DST: variants seen among roughly 807,000 people sequenced by gnomAD.
The protein encoded by DST is dystonin.
Under a neutral mutation model 875.2 loss-of-function variants are expected in DST, and 253 were observed. That is an observed-to-expected ratio of 0.29 (90% CI 0.26 to 0.32). The LOEUF (loss-of-function observed/expected upper bound fraction) is 0.32. Ranked by LOEUF, DST falls within the 10% of genes least tolerant of loss-of-function variation. The pLI is 1.00. For missense variants in DST, 8,287 were observed against 9,111.6 expected (o/e 0.91, Z 3.68); for synonymous variants, 3,124 against 3,197.1 (o/e 0.98, Z 0.77).
At chr6:56,919,871 G>T (rs576051687) in intron 2 of DST, among the ~76,000 whole-genome samples, 1 of 152,006 alleles carries the variant, frequency 6.6e-6, no homozygotes, top group African/African-American at 2.4e-5. Context: ...TGCTTAACCC[G>T]GAGACAGAGG....
chr6:56,496,213 T>A (rs924474340), intron 82 of DST, among the ~76,000 whole-genome samples: 4 of 152,160 alleles, frequency 2.6e-5, no homozygotes, highest in African/African-American at 9.6e-5. Flanking sequence ...AATATGAATT[T>A]AAAATGTCAA....
chr6:56,851,546 T>C lies in DST; in HGVS notation c.476A>G (p.Glu159Gly), dbSNP rs1049570686. ...GCCAGATTTCTGGCTGAAATCATCC[T>C]CATCGGAAAAATCCGCAGAGGAAGA... ...SMSSSADFSD[E>G]DDFSQKSGSA... Residue 159 changes from glutamate to glycine, a missense_variant, in exon 4 of 104, where the codon GAG becomes GGG. By Grantham distance (98) the Glu-to-Gly change is moderately conservative. Coordinates refer to ENST00000680361, the MANE Select transcript of DST (RefSeq NM_001374736.1). 1.9e-6 allele frequency: 3 copies of C among 1,613,890 alleles called. No homozygotes were observed. The highest frequency in any genetic ancestry group is 3.3e-5 in the Admixed American group (2 of 59,994).
chr6:56,801,963 T>C (rs1283226422), intron 4 of DST, among the ~76,000 whole-genome samples: 1 of 152,060 alleles, frequency 6.6e-6, no homozygotes, highest in Non-Finnish European at 1.5e-5. Flanking sequence ...TTGGCCAGGC[T>C]GGTCTTGAAT....
At chr6:56,673,776 T>C (rs1429611736) in intron 9 of DST, among the ~76,000 whole-genome samples, 1 of 152,250 alleles carries the variant, frequency 6.6e-6, no homozygotes, top group Admixed American at 6.5e-5. Flanking sequence ...GCAAATGTTA[T>C]GAACCAAGCT....
intron 4 of DST, among the ~76,000 whole-genome samples, chr6:56,778,589 T>G (rs1291376503): frequency 7.2e-6 from 1 of 139,518 alleles, no homozygotes; most frequent in African/African-American, 2.7e-5. Flanking sequence ...TGTGTCCATG[T>G]GTTCTCATTG....
At position 56,620,407 on chromosome 6, in the gene DST, G is replaced by A. The variant is rs538627825; in HGVS notation, c.4929+4123C>T. ...TCACCCGCTCCAGTTCTCTTTCAGC[G>A]GCTTCCTTCTCTCTCACAATGGTTT... is the stretch of plus-strand genomic sequence containing the variant. On this transcript the variant is annotated intron_variant, in intron 36 of 103. Transcript: ENST00000680361. 2.2e-5 allele frequency: 36 copies of A among 1,614,120 alleles called. No individual in the cohort carries two copies. The highest frequency in any genetic ancestry group is 1.6e-4 in the Middle Eastern group (1 of 6,062).
chr6:56,868,908 C>T lies in DST; in HGVS notation c.418-17304G>A, dbSNP rs564765651. Among the ~76,000 whole-genome samples the T allele has an allele frequency of 1.4e-4, 21 of 152,274 alleles. No individual in the cohort carries two copies. In the South Asian group the frequency reaches 4.1e-3, roughly 30 times the overall value. Reference sequence around the variant, plus strand: ...ACCCTATGTAAACATGAATTCTACCCTCTGTGGGAAATGAAGGTCCTTTGT... The same window carrying T: ...ACCCTATGTAAACATGAATTCTACCTTCTGTGGGAAATGAAGGTCCTTTGT... On this transcript the variant is annotated intron_variant, in intron 3 of 103. Coordinates refer to ENST00000680361, the MANE Select transcript of DST (RefSeq NM_001374736.1).
rs752547446 is a variant in DST, at chr6:56,594,050, C to T, written c.12339G>A (p.Val4113=). 1 of 1,613,656 alleles carries T rather than the reference C, an allele frequency of 6.2e-7. No individual in the cohort carries two copies. Residue 4113 remains valine, a synonymous_variant, in exon 48 of 104, where the codon GTG becomes GTA. Coordinates refer to ENST00000680361, the MANE Select transcript of DST (RefSeq NM_001374736.1). ...KLQKNMKELK[V]HYETALAESE... is the part of the protein sequence containing the mutation. ...ACTCAGCCAGTGCAGTTTCATAATG[C>T]ACTTTCAGTTCCTTCATGTTCTTTT...
At chr6:56,878,956 T>A (rs1780749509) in intron 3 of DST, among the ~76,000 whole-genome samples, 1 of 152,206 alleles carries the variant, frequency 6.6e-6, no homozygotes. Flanking sequence ...CTTTCCATTA[T>A]CTAAGAATCA....
chr6:56,769,710 A>G (rs559455979), intron 4 of DST, among the ~76,000 whole-genome samples: 1 of 152,114 alleles, frequency 6.6e-6, no homozygotes, highest in African/African-American at 2.4e-5. Context: ...CCAGCTACTC[A>G]GGAGGCTGAG....
intron 49 of DST, among the ~76,000 whole-genome samples, chr6:56,587,699 T>C (rs1429649217): frequency 6.6e-6 from 1 of 152,122 alleles, no homozygotes; most frequent in Non-Finnish European, 1.5e-5. Flanking sequence ...CCCATCAGAC[T>C]AACAGCAGAT....
chr6:56,796,364 T>C (rs920683034), intron 4 of DST, among the ~76,000 whole-genome samples: 3 of 152,180 alleles, frequency 2.0e-5, no homozygotes, highest in Non-Finnish European at 4.4e-5. Flanking sequence ...TGACAAAGAA[T>C]AGTGATCTAG....
intron 2 of DST, among the ~76,000 whole-genome samples, chr6:56,937,499 G>A (rs1023919204): frequency 1.2e-4 from 18 of 152,044 alleles, no homozygotes; most frequent in Non-Finnish European, 2.4e-4. Context: ...TAGTAAAAAA[G>A]ACAGTAACAA....
chr6:56,604,916 G>A lies in DST; in HGVS notation c.9712C>T (p.Leu3238Phe). Residue 3238 changes from leucine to phenylalanine, a missense_variant, in exon 40 of 104, where the codon CTT (leucine) becomes TTT (phenylalanine). Leu to Phe is a conservative substitution (Grantham distance 22). Around this residue, in one of 10 missense-constraint regions of DST, gnomAD observed 3,138 missense variants for 3,116.6 expected, o/e 1.01. Transcript: ENST00000680361. The stretch of plus-strand genomic sequence containing the variant: ...TCATTGCTTTGGATCATGTCATTAA[G>A]AGGTGAGTCTTTTTGGGTACTAGTG... ...KSTSTQKDSP[L>F]NDMIQSNDLC... is the part of the protein sequence containing the mutation. The A allele has an allele frequency of 6.2e-7, 1 of 1,612,602 alleles. No homozygotes were observed. Among genetic ancestry groups the A allele is most frequent in the Non-Finnish European group, 8.5e-7 (1 of 1,179,238 alleles).
At chr6:56,473,449 A>G (rs1309055892) in intron 93 of DST, among the ~76,000 whole-genome samples, 2 of 152,210 alleles carry the variant, frequency 1.3e-5, no homozygotes, top group Non-Finnish European at 2.9e-5. Flanking sequence ...TCACATGAAC[A>G]TGGGCAAAAG....
chr6:56,904,657 A>G (rs1226701654), intron 2 of DST, among the ~76,000 whole-genome samples: 1 of 152,216 alleles, frequency 6.6e-6, no homozygotes, highest in Non-Finnish European at 1.5e-5. Context: ...AAATAACTGT[A>G]AGGAATTACA....
intron 4 of DST, among the ~76,000 whole-genome samples, chr6:56,783,753 C>T (rs376072758): frequency 1.2e-4 from 18 of 152,180 alleles, no homozygotes; most frequent in Admixed American, 2.6e-4. Flanking sequence ...ATGTGTGAAC[C>T]TGATCCTGTC....
At chr6:56,665,943 A>G (rs374529486) in intron 10 of DST, among the ~76,000 whole-genome samples, 7 of 152,218 alleles carry the variant, frequency 4.6e-5, no homozygotes, top group Non-Finnish European at 1.0e-4. Context: ...AAACTGCCAC[A>G]TGGCCAACAT....
intron 82 of DST, among the ~76,000 whole-genome samples, chr6:56,496,707 T>A (rs138112481): frequency 0.018 from 2,667 of 152,172 alleles, 72 homozygotes; most frequent in African/African-American, 0.06. Context: ...TTCTAAAACA[T>A]ACTGACACAC....
Sources: gnomAD v4.1 joint callset for allele counts (sites outside exome capture counted in the v4.1 genomes callset) on GRCh38, gnomAD v4.1.1 for gene constraint, gnomAD v4.1.1 regional missense constraint, MANE v1.5 for transcripts, NCBI Gene and HGNC (gene_info 2026-07-23, HGNC 2026-07-21) for gene names.